The following PDLIM7 variants were observed in gnomAD, a reference collection of about 807,000 sequenced individuals.
The protein encoded by PDLIM7 is PDZ and LIM domain 7.
A neutral mutation model predicts 53.9 loss-of-function variants in PDLIM7; 37 were observed. That is an observed-to-expected ratio of 0.69 (90% CI 0.53 to 0.90). The LOEUF is 0.90. PDLIM7 is among the 40% of genes least tolerant of loss of function. The probability of loss-of-function intolerance (pLI) is 0.00; values close to 1 mark genes in which losing one functional copy is unlikely to be tolerated. For synonymous variants in PDLIM7, 300 were observed against 261.3 expected, an observed-to-expected ratio of 1.15 and a Z score of -1.43; for missense variants, 617 against 638.5, an observed-to-expected ratio of 0.97 and a Z score of 0.36.
chr5:177,485,941 A>G (rs538334844), intron 10 of PDLIM7, among the ~76,000 whole-genome samples: 1 of 152,234 alleles, frequency 6.6e-6, no homozygotes, highest in South Asian at 2.1e-4. Context: ...AGCAGTGATC[A>G]TGCCACTGCA....
rs1460338005 is a variant in PDLIM7, at chr5:177,489,237, G to T, written c.869+156C>A. 1.1e-4 allele frequency among the ~76,000 whole-genome samples: 17 copies of T among 152,228 alleles called. 1 individual carries two copies. ...GCTGGGGTAGGTAGCGTGGGATTAA[G>T]AATGGGAGGACCCAGCCCAGGTCCC... is the stretch of plus-strand genomic sequence containing the variant. On this transcript the variant is annotated intron_variant, in intron 9 of 12. Transcript: ENST00000355841.
chr5:177,490,676 G>A, intron 7 of PDLIM7, 194 bp downstream of exon 7: 1 of 957,762 alleles, frequency 1.0e-6, no homozygotes, highest in Non-Finnish European at 1.6e-6. Flanking sequence ...GAAGGAAGGA[G>A]GGAGGGAAGA....
chr5:177,491,457 A>C (rs1758778583), intron 5 of PDLIM7: 1 of 1,492,220 alleles, frequency 6.7e-7, no homozygotes, highest in Non-Finnish European at 9.2e-7. Context: ...AGATAAAGGG[A>C]CAAAGGGACA....
Position 177,496,541 on chromosome 5 carries a change from A to G in PDLIM7, c.-11-18T>C. The G allele has an allele frequency of 3.3e-6, 5 of 1,537,072 alleles. No individual in the cohort carries two copies. Among genetic ancestry groups the G allele is most frequent in the African/African-American group, 1.4e-5 (1 of 72,072 alleles). On this transcript the variant is annotated intron_variant, in intron 1 of 12. Transcript: ENST00000355841. Reference sequence around the variant, plus strand: ...GCCGGCTCCTGAGAGGAGAGAAGAGAAGGTGAGTGGCCAGCATGGTGGGCG... The same window carrying G: ...GCCGGCTCCTGAGAGGAGAGAAGAGGAGGTGAGTGGCCAGCATGGTGGGCG...
intron 2 of PDLIM7, chr5:177,492,966 C>G: frequency 4.6e-6 from 2 of 433,756 alleles, no homozygotes; most frequent in Non-Finnish European, 8.4e-6. Flanking sequence ...ATCTATTCAC[C>G]GCCACCACCC....
intron 1 of PDLIM7, among the ~76,000 whole-genome samples, chr5:177,497,096 C>G (rs1161024328): frequency 2.0e-5 from 3 of 146,354 alleles, no homozygotes; most frequent in Non-Finnish European, 4.5e-5. Flanking sequence ...GTCGAGGCTG[C>G]TGGGAGCCAG....
intron 7 of PDLIM7, 183 bp from the exon 8 acceptor site, chr5:177,490,015 T>G: frequency 6.5e-7 from 1 of 1,534,450 alleles, no homozygotes. Flanking sequence ...TCCAGTTAGC[T>G]GGTGTGCGGT....
chr5:177,496,355 C>T (rs1759069881), intron 2 of PDLIM7, 62 bp downstream of exon 2: 1 of 1,268,446 alleles, frequency 7.9e-7, no homozygotes, highest in Non-Finnish European at 1.1e-6. Flanking sequence ...CCCCCATCAC[C>T]CTCTGGAGAC....
chr5:177,492,477 G>T lies in PDLIM7; in HGVS notation c.249-42C>A, dbSNP rs1425343145. ...GCGTGACAGCGGGCCGGGCCCGCAG[G>T]GATCCCCACTGCCAGCGCGGGCGCA... On this transcript the variant is annotated intron_variant, in intron 3 of 12. Coordinates refer to ENST00000355841, the MANE Select transcript of PDLIM7 (RefSeq NM_005451.5). 8 of 1,613,626 alleles carry T rather than the reference G, an allele frequency of 5.0e-6. No homozygotes were observed. The Admixed American group carries it at 6.7e-5, about 13-fold the overall frequency.
chr5:177,495,339 C>A (rs578080575), intron 2 of PDLIM7, among the ~76,000 whole-genome samples: 6 of 152,196 alleles, frequency 3.9e-5, no homozygotes, highest in African/African-American at 1.4e-4. Flanking sequence ...CCTCAGGCCA[C>A]GACCCTCTGG....
chr5:177,490,497 C>A (rs1360571365), intron 7 of PDLIM7: 1 of 1,555,314 alleles, frequency 6.4e-7, no homozygotes, highest in Non-Finnish European at 8.7e-7. Flanking sequence ...GAGGGCCGGG[C>A]TACGACTGCA....
chr5:177,487,770 GTTCTGT>G, intron 10 of PDLIM7: 1 of 284,360 alleles, frequency 3.5e-6, no homozygotes. Context: ...CAAGTTGGCC[GTTCTGT>G]CATTTCACCA....
Position 177,496,543 on chromosome 5 carries a change from G to A in PDLIM7, c.-11-20C>T. On this transcript the variant is annotated intron_variant, in intron 1 of 12. Transcript: ENST00000355841. ...CGGCTCCTGAGAGGAGAGAAGAGAAGGTGAGTGGCCAGCATGGTGGGCGGG... is the reference window on the plus strand; with the variant it reads ...CGGCTCCTGAGAGGAGAGAAGAGAAAGTGAGTGGCCAGCATGGTGGGCGGG... The A allele has an allele frequency of 6.5e-7, 1 of 1,531,388 alleles. No individual in the cohort carries two copies. Among genetic ancestry groups the A allele is most frequent in the Non-Finnish European group, 8.8e-7 (1 of 1,130,466 alleles). The allele number at this position is 1,531,388 out of a possible 1,614,324, so 94.9% of individuals were successfully genotyped here.
intron 10 of PDLIM7, among the ~76,000 whole-genome samples, chr5:177,487,422 C>A (rs1758520004): frequency 6.6e-6 from 1 of 152,232 alleles, no homozygotes; most frequent in African/African-American, 2.4e-5. Flanking sequence ...GCTCTGTCCC[C>A]TTTCTTCTCC....
chr5:177,492,966 C>T (rs538111704), intron 2 of PDLIM7: 15 of 433,636 alleles, frequency 3.5e-5, no homozygotes, highest in South Asian at 6.6e-5. Flanking sequence ...ATCTATTCAC[C>T]GCCACCACCC....
At chr5:177,495,424 T>TGGGTGGGTCTCTC (rs1759021582) in intron 2 of PDLIM7, among the ~76,000 whole-genome samples, 2 of 151,960 alleles carry the variant, frequency 1.3e-5, no homozygotes, top group Non-Finnish European at 2.9e-5. Context: ...GTGGGTCTCT[T>TGGGTGGGTCTCTC]GGGGCAGGCG....
At chr5:177,493,873 G>T (rs1360040245) in intron 2 of PDLIM7, among the ~76,000 whole-genome samples, 2 of 152,198 alleles carry the variant, frequency 1.3e-5, no homozygotes, top group Non-Finnish European at 2.9e-5. Context: ...GGCTCCTCAG[G>T]TGGGTCAGTG....
chr5:177,493,466 C>T, intron 2 of PDLIM7, among the ~76,000 whole-genome samples: 1 of 152,322 alleles, frequency 6.6e-6, no homozygotes, highest in African/African-American at 2.4e-5. Flanking sequence ...GAGCTGAGAC[C>T]ATCAGGAATG....
At chr5:177,491,337 G>T in intron 5 of PDLIM7, 191 bp from the exon 6 acceptor site, 1 of 1,540,776 alleles carries the variant, frequency 6.5e-7, no homozygotes, top group Non-Finnish European at 8.8e-7. Context: ...AGCCAGGGTG[G>T]GGAGGGGCCG....
Sources: gnomAD v4.1 joint callset for allele counts (sites outside exome capture counted in the v4.1 genomes callset) on GRCh38, gnomAD v4.1.1 for gene constraint, MANE v1.5 for transcripts, NCBI Gene and HGNC (gene_info 2026-07-23, HGNC 2026-07-21) for gene names.